Variants in SLC14A2 observed in about 807,000 individuals in gnomAD.
The protein encoded by SLC14A2 is solute carrier family 14 member 2, also known as urea transporter 2.
A neutral mutation model predicts 104.6 loss-of-function variants in SLC14A2; 91 were observed. The ratio of observed to expected loss-of-function variants is 0.87; its 90% CI spans 0.73 to 1.04. SLC14A2 has a LOEUF of 1.04. SLC14A2 is among the 50% of genes least tolerant of loss of function. The pLI is 0.00. For missense variants in SLC14A2, 1,189 were observed against 1,156.0 expected (o/e 1.03, Z -0.41); for synonymous variants, 476 against 466.4 (o/e 1.02, Z -0.27).
At chr18:45,464,708 C>T (rs1335181377) in intron 1 of SLC14A2, among the ~76,000 whole-genome samples, 1 of 152,130 alleles carries the variant, frequency 6.6e-6, no homozygotes, top group African/African-American at 2.4e-5. Flanking sequence ...GTAGAGCAGT[C>T]CATCTTCTTG....
chr18:45,575,411 T>C (rs191750789), intron 2 of SLC14A2, among the ~76,000 whole-genome samples: 1 of 152,282 alleles, frequency 6.6e-6, no homozygotes, highest in East Asian at 1.9e-4. Flanking sequence ...ACTCAGTCTA[T>C]GGGGAACCAA....
chr18:45,294,372 AT>A (rs2084900206), intron 1 of SLC14A2, among the ~76,000 whole-genome samples: 1 of 152,188 alleles, frequency 6.6e-6, no homozygotes, highest in African/African-American at 2.4e-5. Context: ...TATTTTATAT[AT>A]CCTTTGTCAA....
At chr18:45,494,900 TCACACACACACACATACA>T (rs2043064802) in intron 2 of SLC14A2, among the ~76,000 whole-genome samples, 1 of 96,580 alleles carries the variant, frequency 1.0e-5, no homozygotes, top group South Asian at 4.4e-4. Context: ...AATCGGGTCA[TCACACACACACACATACA>T]CACACACACA....
the SLC14A2 span, among the ~76,000 whole-genome samples, chr18:45,203,182 G>A: frequency 6.6e-6 from 1 of 152,194 alleles, no homozygotes; most frequent in South Asian, 2.1e-4. Context: ...TTAGTGCTGA[G>A]GGACTAAGGA....
At chr18:45,570,312 C>G (rs903786446) in intron 2 of SLC14A2, among the ~76,000 whole-genome samples, 1 of 151,828 alleles carries the variant, frequency 6.6e-6, no homozygotes, top group African/African-American at 2.4e-5. Context: ...GCTCCAGACT[C>G]CCTACACCCT....
At chr18:45,355,302 G>A (rs970326935) in intron 1 of SLC14A2, among the ~76,000 whole-genome samples, 7 of 152,084 alleles carry the variant, frequency 4.6e-5, no homozygotes, top group South Asian at 4.1e-4. Context: ...TAGGCCTGGC[G>A]CGGTGGCTCA....
At chr18:45,308,604 C>T (rs1161152027) in intron 1 of SLC14A2, among the ~76,000 whole-genome samples, 1 of 152,168 alleles carries the variant, frequency 6.6e-6, no homozygotes, top group African/African-American at 2.4e-5. Flanking sequence ...AGGGAGGATG[C>T]CTGTGTCCTG....
rs775412554 is a variant in SLC14A2, at chr18:45,666,210, C to T, written c.1548C>T (p.Val516=). The part of the protein sequence containing the change: ...PFPYRYRKPT[V]ELLDLDTMEE... ...CCTATCGATACCGGAAGCCCACAGTCGAGCTGCTTGTGAGTACTGAGTGTC... is the reference window on the plus strand; with the variant it reads ...CCTATCGATACCGGAAGCCCACAGTTGAGCTGCTTGTGAGTACTGAGTGTC... The change falls in exon 12 of 20, where the codon GTC becomes GTT. Residue 516 remains valine (V), a synonymous_variant. Coordinates refer to ENST00000255226, the MANE Select transcript of SLC14A2 (RefSeq NM_007163.4). 12 of 1,611,148 alleles carry T rather than the reference C, an allele frequency of 7.4e-6. No individual in the cohort carries two copies. Among genetic ancestry groups the T allele is most frequent in the Middle Eastern group, 1.6e-4 (1 of 6,082 alleles).
chr18:45,363,466 C>T (rs2085635473), intron 1 of SLC14A2, among the ~76,000 whole-genome samples: 1 of 152,100 alleles, frequency 6.6e-6, no homozygotes, highest in Non-Finnish European at 1.5e-5. Flanking sequence ...AACTTGGAGA[C>T]AATGCCACTG....
At chr18:45,529,216 T>C (rs540080836) in intron 2 of SLC14A2, 3 of 152,204 alleles carry the variant, frequency 2.0e-5, no homozygotes, top group Non-Finnish European at 2.9e-5. Flanking sequence ...AACAAAATTA[T>C]TGGTGAGAAA....
chr18:45,359,084 T>G (rs1279646696), intron 1 of SLC14A2, among the ~76,000 whole-genome samples: 3 of 152,044 alleles, frequency 2.0e-5, no homozygotes, highest in Non-Finnish European at 4.4e-5. Context: ...TGAGATAATG[T>G]CACTTTTTAC....
the SLC14A2 span, chr18:45,181,263 T>C: frequency 6.6e-6 from 1 of 152,438 alleles, no homozygotes; most frequent in African/African-American, 2.4e-5. Context: ...GCTTTCAGAC[T>C]TCTTCAGGTG....
intron 2 of SLC14A2, among the ~76,000 whole-genome samples, chr18:45,515,803 A>C (rs570624387): frequency 6.6e-6 from 1 of 152,376 alleles, no homozygotes; most frequent in East Asian, 1.9e-4. Context: ...AAAACCATGC[A>C]TCACAAGAAA....
rs1315759904 is a variant in SLC14A2 at position 45,258,824 on chromosome 18, A to AG, written c.-125+45637dup. ...GTCTCTCCCCTTTCCAAAGATGACTAGGGGTGTGACTTGATCAGGCTCCTA... is the reference window on the plus strand; with the variant it reads ...GTCTCTCCCCTTTCCAAAGATGACTAGGGGGTGTGACTTGATCAGGCTCCTA... On this transcript the variant is annotated intron_variant, in intron 1 of 20. Transcript: ENST00000586448. Among the ~76,000 whole-genome samples the AG allele has an allele frequency of 6.8e-5, 7 of 102,910 alleles. 1 individual carries two copies. The highest frequency in any genetic ancestry group is 1.4e-4 in the African/African-American group (3 of 21,492). 67.5% of individuals were successfully genotyped at this position (102,910 alleles called of 152,430 possible). A position where few individuals can be genotyped will look rare whatever the true frequency, so the allele number is the denominator to read the frequency against.
intron 1 of SLC14A2, among the ~76,000 whole-genome samples, chr18:45,616,388 C>G (rs1257942398): frequency 6.6e-6 from 1 of 152,182 alleles, no homozygotes; most frequent in Non-Finnish European, 1.5e-5. Flanking sequence ...ATATCAAGCT[C>G]AATCAGCATT....
At chr18:45,643,205 C>G in intron 9 of SLC14A2, 24 bp downstream of exon 9, 1 of 1,608,344 alleles carries the variant, frequency 6.2e-7, no homozygotes, top group Non-Finnish European at 8.5e-7. Context: ...CTCCTGAACA[C>G]TACCCCAAAG....
intron 1 of SLC14A2, among the ~76,000 whole-genome samples, chr18:45,225,209 T>A: frequency 6.6e-6 from 1 of 152,192 alleles, no homozygotes; most frequent in Non-Finnish European, 1.5e-5. Flanking sequence ...TTTCTACATG[T>A]GGCTAGCCAG....
intron 2 of SLC14A2, among the ~76,000 whole-genome samples, chr18:45,606,737 AAAAAAAAAAACAAAACAAAAAC>A (rs997523119): frequency 1.4e-5 from 1 of 70,172 alleles, no homozygotes; most frequent in African/African-American, 5.5e-5. Context: ...GTCTAATTAA[AAAAAAAAAAACAAAACAAAAAC>A]AAAAAAAAAA....
rs16978309 is a variant in SLC14A2 at position 45,242,602 on chromosome 18, T to C, written c.-125+29411T>C. Among the ~76,000 whole-genome samples, 27 of 152,328 alleles carry C rather than the reference T, an allele frequency of 1.8e-4. No individual in the cohort carries two copies. In the East Asian group the frequency reaches 5.0e-3, roughly 28 times the overall value. ...GAGATGGGGCCCTGTGTCTTTCTTA[T>C]TAATGTGAATTACTCAAGATCAGGC... On this transcript the variant is annotated intron_variant, in intron 1 of 20. Transcript: ENST00000586448.
Sources: gnomAD v4.1 joint callset for allele counts (sites outside exome capture counted in the v4.1 genomes callset) on GRCh38, gnomAD v4.1.1 for gene constraint, MANE v1.5 for transcripts, NCBI Gene and HGNC (gene_info 2026-07-23, HGNC 2026-07-21) for gene names.